CCSER1: variants seen among roughly 807,000 people sequenced by gnomAD.
CCSER1 encodes coiled-coil serine rich protein 1, also known as serine-rich coiled-coil domain-containing protein 1.
A neutral mutation model predicts 82.0 loss-of-function variants in CCSER1; 41 were observed. That is an observed-to-expected ratio of 0.50 (90% CI 0.39 to 0.65). CCSER1 has a LOEUF of 0.65. CCSER1 is among the 30% of genes least tolerant of loss of function. CCSER1 has a pLI of 0.00. For missense variants in CCSER1, 1,119 were observed against 1,064.2 expected, an observed-to-expected ratio of 1.05 and a Z score of -0.72; for synonymous variants, 414 against 383.9, an observed-to-expected ratio of 1.08 and a Z score of -0.92.
chr4:91,005,478 T>A (rs1000829004), intron 9 of CCSER1, among the ~76,000 whole-genome samples: 2 of 152,116 alleles, frequency 1.3e-5, no homozygotes, highest in Admixed American at 1.3e-4. Flanking sequence ...AATCTTCAGA[T>A]TGTTAAACAC....
chr4:91,468,836 T>C (rs1471684561), intron 10 of CCSER1, among the ~76,000 whole-genome samples: 1 of 152,106 alleles, frequency 6.6e-6, no homozygotes, highest in Non-Finnish European at 1.5e-5. Context: ...TGCTGAGGTA[T>C]AAATACATCT....
At chr4:90,620,477 G>A (rs1223237510) in intron 5 of CCSER1, among the ~76,000 whole-genome samples, 4 of 152,108 alleles carry the variant, frequency 2.6e-5, no homozygotes, top group Admixed American at 6.5e-5. Flanking sequence ...ATTGTGCAAG[G>A]TTTTGTGGAT....
At chr4:90,730,165 T>C (rs998483615) in intron 7 of CCSER1, among the ~76,000 whole-genome samples, 1 of 152,224 alleles carries the variant, frequency 6.6e-6, no homozygotes, top group Non-Finnish European at 1.5e-5. Context: ...TATATCATTA[T>C]GTAAAAGAAT....
intron 10 of CCSER1, among the ~76,000 whole-genome samples, chr4:91,168,751 G>A (rs933216952): frequency 2.6e-5 from 4 of 152,026 alleles, no homozygotes; most frequent in African/African-American, 9.7e-5. Context: ...TGGTTTTGTT[G>A]AAAAGAAAAG....
intron 10 of CCSER1, among the ~76,000 whole-genome samples, chr4:91,375,538 G>A (rs1203511704): frequency 7.0e-6 from 1 of 143,710 alleles, no homozygotes; most frequent in Non-Finnish European, 1.5e-5. Flanking sequence ...TTTTTTTTAA[G>A]ACAACTAAAG....
At chr4:90,699,307 T>G (rs922963656) in intron 6 of CCSER1, among the ~76,000 whole-genome samples, 1 of 151,882 alleles carries the variant, frequency 6.6e-6, no homozygotes, top group Non-Finnish European at 1.5e-5. Flanking sequence ...CTACTAAAAA[T>G]ATAAAACATT....
intron 8 of CCSER1, among the ~76,000 whole-genome samples, chr4:90,879,004 G>A (rs1185496665): frequency 2.0e-5 from 3 of 152,096 alleles, no homozygotes; most frequent in Non-Finnish European, 2.9e-5. Context: ...TTTAAGAAAA[G>A]TACTCTTCCA....
At chr4:90,535,901 A>G (rs1245076219) in intron 5 of CCSER1, among the ~76,000 whole-genome samples, 2 of 152,144 alleles carry the variant, frequency 1.3e-5, no homozygotes, top group African/African-American at 4.8e-5. Flanking sequence ...TTACAGTTTC[A>G]CAGATGAGGA....
At chr4:90,732,758 G>C (rs1042900577) in intron 7 of CCSER1, among the ~76,000 whole-genome samples, 27 of 151,960 alleles carry the variant, frequency 1.8e-4, no homozygotes, top group Non-Finnish European at 3.5e-4. Flanking sequence ...GTAATATTTA[G>C]CTCCCATAAA....
At chr4:91,294,806 G>A (rs1257365136) in intron 10 of CCSER1, among the ~76,000 whole-genome samples, 1 of 151,784 alleles carries the variant, frequency 6.6e-6, no homozygotes, top group Non-Finnish European at 1.5e-5. Flanking sequence ...TAATTACATT[G>A]TACAGATCCT....
At chr4:91,196,264 A>G (rs1295961195) in intron 10 of CCSER1, among the ~76,000 whole-genome samples, 3 of 152,136 alleles carry the variant, frequency 2.0e-5, no homozygotes, top group Admixed American at 2.0e-4. Flanking sequence ...AAGAAGGTCA[A>G]TGCAGCTTCA....
intron 10 of CCSER1, among the ~76,000 whole-genome samples, chr4:91,194,116 T>C (rs1331387807): frequency 6.6e-6 from 1 of 152,172 alleles, no homozygotes; most frequent in East Asian, 1.9e-4. Context: ...ATTGCAGGCA[T>C]GCACCACCAC....
At chr4:91,597,023 T>A (rs1377630257) in intron 10 of CCSER1, among the ~76,000 whole-genome samples, 1 of 152,174 alleles carries the variant, frequency 6.6e-6, no homozygotes, top group African/African-American at 2.4e-5. Flanking sequence ...ATTTCAATAA[T>A]AATCATTTTG....
At chr4:90,870,222 G>A (rs1339736326) in intron 8 of CCSER1, among the ~76,000 whole-genome samples, 2 of 151,854 alleles carry the variant, frequency 1.3e-5, no homozygotes, top group Non-Finnish European at 2.9e-5. Context: ...AGGACTTCCA[G>A]TACTATGTTG....
At position 90,665,582 on chromosome 4, in the gene CCSER1, A is replaced by G. The variant is rs896886551; in HGVS notation, c.1932+37350A>G. ...GTGATCCACCCGCCTCGGCCTCCCA[A>G]AGTGCTGGGATTACAGGTATAAGCC... On this transcript the variant is annotated intron_variant, in intron 6 of 10. Transcript: ENST00000509176. Among the ~76,000 whole-genome samples, 23 of 152,062 alleles carry G rather than the reference A, an allele frequency of 1.5e-4. 1 individual carries two copies. Among genetic ancestry groups the G allele is most frequent in the Non-Finnish European group, 2.9e-4 (20 of 68,006 alleles).
intron 1 of CCSER1, among the ~76,000 whole-genome samples, chr4:90,155,715 C>A (rs74413418): frequency 0.28 from 42,734 of 150,854 alleles, 7,569 homozygotes; most frequent in East Asian, 0.64. Context: ...TCTGTGGGAT[C>A]GTATCCCCTT....
chr4:90,566,432 T>TAA lies in CCSER1; in HGVS notation c.1725-61583_1725-61582dup, dbSNP rs146449432. On this transcript the variant is annotated intron_variant, in intron 5 of 10. Transcript: ENST00000509176. ...TAGTATCTTGATCTCCTCTGTAAAT[T>TAA]AAAAAAAAAAAGTAGCTAAGCCATC... 8.9e-4 allele frequency among the ~76,000 whole-genome samples: 131 copies of TAA among 147,178 alleles called. 2 individuals are homozygous for TAA. In the East Asian group the frequency reaches 0.011, roughly 12 times the overall value.
At chr4:91,259,337 A>G (rs549759692) in intron 10 of CCSER1, among the ~76,000 whole-genome samples, 42 of 152,314 alleles carry the variant, frequency 2.8e-4, no homozygotes, top group African/African-American at 9.4e-4. Flanking sequence ...TTCTCAAAGC[A>G]TTAGTGTGAA....
At chr4:90,636,145 C>G (rs1725379382) in intron 6 of CCSER1, among the ~76,000 whole-genome samples, 1 of 151,784 alleles carries the variant, frequency 6.6e-6, no homozygotes, top group Non-Finnish European at 1.5e-5. Flanking sequence ...CAGACATCAA[C>G]ATGATAATAA....
Sources: gnomAD v4.1 joint callset for allele counts (sites outside exome capture counted in the v4.1 genomes callset) on GRCh38, gnomAD v4.1.1 for gene constraint, MANE v1.5 for transcripts, NCBI Gene and HGNC (gene_info 2026-07-23, HGNC 2026-07-21) for gene names.